RNF214: variants seen among roughly 807,000 people sequenced by gnomAD.
The protein encoded by RNF214 is ring finger protein 214.
A neutral mutation model predicts 75.9 loss-of-function variants in RNF214; 25 were observed. The ratio of observed to expected loss-of-function variants is 0.33; its 90% CI spans 0.24 to 0.46. The LOEUF (loss-of-function observed/expected upper bound fraction) is 0.46, where lower values mean the gene tolerates loss of function less well. RNF214 is among the 20% of genes least tolerant of loss of function. The pLI, the probability that RNF214 is intolerant of heterozygous loss-of-function variation, is 1.00. For missense variants in RNF214, 725 were observed against 857.5 expected (o/e 0.85, Z 1.93); for synonymous variants, 314 against 308.8 (o/e 1.02, Z -0.18).
At position 117,281,880 on chromosome 11, in the gene RNF214, C is replaced by A. The variant is rs771923612; in HGVS notation, c.1336-14C>A. The A allele has an allele frequency of 3.7e-6, 6 of 1,610,790 alleles. No individual in the cohort carries two copies. The African/African-American group carries it at 8.0e-5, about 22-fold the overall frequency. ...TTCCTTTCTCTCTCGTCCTCTACCTCTTCTCCTCTGCAGACAGACTTCATG... is the reference window on the plus strand; with the variant it reads ...TTCCTTTCTCTCTCGTCCTCTACCTATTCTCCTCTGCAGACAGACTTCATG... On this transcript the variant is annotated splice_polypyrimidine_tract_variant and intron_variant, in intron 10 of 14. Transcript: ENST00000300650.
At chr11:117,245,331 A>G (rs957978020) in intron 5 of RNF214, among the ~76,000 whole-genome samples, 1 of 150,916 alleles carries the variant, frequency 6.6e-6, no homozygotes, top group East Asian at 2.0e-4. Context: ...AAAAAGTATT[A>G]ATACTCATAG....
chr11:117,267,104 G>A (rs2033813242), intron 6 of RNF214, among the ~76,000 whole-genome samples: 1 of 151,898 alleles, frequency 6.6e-6, no homozygotes, highest in Admixed American at 6.6e-5. Context: ...AGCCTCCAGA[G>A]TATTGAATTA....
chr11:117,282,571 G>A (rs796960779), intron 12 of RNF214, 35 bp downstream of exon 12: 26 of 1,609,500 alleles, frequency 1.6e-5, no homozygotes, highest in African/African-American at 4.0e-5. Flanking sequence ...ACTTAGGCAT[G>A]TTGAGGGCTG....
At chr11:117,244,640 CT>C in intron 5 of RNF214, 55 bp downstream of exon 5, 1 of 1,382,372 alleles carries the variant, frequency 7.2e-7, no homozygotes, top group Non-Finnish European at 9.7e-7. Flanking sequence ...TCTGATCAAA[CT>C]TTAATTTTTT....
At chr11:117,276,897 G>A (rs1306708689) in intron 6 of RNF214, among the ~76,000 whole-genome samples, 1 of 152,242 alleles carries the variant, frequency 6.6e-6, no homozygotes, top group Non-Finnish European at 1.5e-5. Flanking sequence ...GATTGTCAGA[G>A]TGAATAGTAG....
chr11:117,272,109 G>A (rs1031785216), intron 6 of RNF214, among the ~76,000 whole-genome samples: 4 of 152,122 alleles, frequency 2.6e-5, no homozygotes, highest in African/African-American at 4.8e-5. Context: ...GTATATGCCT[G>A]TAGCTACTTG....
Position 117,246,864 on chromosome 11 carries a change from A to C in RNF214, c.875A>C (p.Lys292Thr). ...VTIKREETKK[K>T]IEKEKKEFLQ... The stretch of plus-strand genomic sequence containing the variant: ...ATAAAGCGGGAAGAAACAAAGAAGA[A>C]GATAGAGAAAGAGAAGAAGGAGTTT... Residue 292 changes from lysine to threonine, a missense_variant, in exon 6 of 15, where the codon AAG (lysine) becomes ACG (threonine). Lys to Thr is a moderately conservative substitution (Grantham distance 78). Coordinates refer to ENST00000300650, the MANE Select transcript of RNF214 (RefSeq NM_207343.4). 1 of 1,613,368 alleles carries C rather than the reference A, an allele frequency of 6.2e-7. No individual in the cohort carries two copies. The highest frequency in any genetic ancestry group is 8.5e-7 in the Non-Finnish European group (1 of 1,179,628).
At chr11:117,267,264 G>A (rs1018020211) in intron 6 of RNF214, among the ~76,000 whole-genome samples, 17 of 152,150 alleles carry the variant, frequency 1.1e-4, no homozygotes, top group Non-Finnish European at 2.4e-4. Flanking sequence ...TCGCTTGCCA[G>A]TTTTTGTTGT....
chr11:117,272,609 AT>A (rs544986485), intron 6 of RNF214, among the ~76,000 whole-genome samples: 267 of 147,042 alleles, frequency 1.8e-3, no homozygotes, highest in South Asian at 0.01. Flanking sequence ...TAAAATTAAA[AT>A]TTTTTTTTTT....
At position 117,282,623 on chromosome 11, in the gene RNF214, C is replaced by A. The variant is rs1044018196; in HGVS notation, c.1845+87C>A. The A allele has an allele frequency of 2.6e-6, 4 of 1,561,048 alleles. No individual in the cohort carries two copies. The African/African-American group carries it at 4.1e-5, about 16-fold the overall frequency. ...CAGAAAAATGTGGGGTGGGAAGAAG[C>A]ATTCCAGTCAGAGGTAGCTAGTCTG... On this transcript the variant is annotated intron_variant, in intron 12 of 14. Coordinates refer to ENST00000300650, the MANE Select transcript of RNF214 (RefSeq NM_207343.4).
At chr11:117,240,628 C>T (rs1344097544) in intron 4 of RNF214, among the ~76,000 whole-genome samples, 2 of 151,854 alleles carry the variant, frequency 1.3e-5, no homozygotes, top group African/African-American at 4.8e-5. Flanking sequence ...GCAGAGGTTG[C>T]AGTGAGCCAA....
At position 117,234,236 on chromosome 11, in the gene RNF214, T is replaced by C. The variant is rs144159240; in HGVS notation, c.-6-31T>C. Reference sequence around the variant, plus strand: ...ACATTTGTTTTAAACTTTGGAAACTTGTAGCCTGTAATTTGTTTCTGAATG... The same window carrying C: ...ACATTTGTTTTAAACTTTGGAAACTCGTAGCCTGTAATTTGTTTCTGAATG... On this transcript the variant is annotated intron_variant, in intron 1 of 14. Coordinates refer to ENST00000300650, the MANE Select transcript of RNF214 (RefSeq NM_207343.4). 1,110 of 1,516,988 alleles carry C rather than the reference T, an allele frequency of 7.3e-4. 2 individuals are homozygous for C. The highest frequency in any genetic ancestry group is 9.3e-4 in the Non-Finnish European group (1,011 of 1,091,520). 94.0% of individuals were successfully genotyped at this position (1,516,988 alleles called of 1,614,324 possible).
At position 117,246,855 on chromosome 11, in the gene RNF214, CAAAG is replaced by C; in HGVS notation, c.869_872del (p.Lys290ArgfsTer3). 1 of 1,611,126 alleles carries C rather than the reference CAAAG, an allele frequency of 6.2e-7. No homozygotes were observed. Among genetic ancestry groups the C allele is most frequent in the South Asian group, 1.1e-5 (1 of 90,706 alleles). ...GATGTGACAATAAAGCGGGAAGAAA[CAAAG>C]AAGAAGATAGAGAAAGAGAAGAAGG... is the stretch of plus-strand genomic sequence containing the variant. On this transcript the variant is annotated frameshift_variant, in exon 6 of 15. Transcript: ENST00000300650. LOFTEE classifies it high-confidence loss of function.
Position 117,282,133 on chromosome 11 carries a change from G to T in RNF214, c.1575G>T (p.Met525Ile). 1 of 1,613,904 alleles carries T rather than the reference G, an allele frequency of 6.2e-7. No individual in the cohort carries two copies. Among genetic ancestry groups the T allele is most frequent in the Non-Finnish European group, 8.5e-7 (1 of 1,179,960 alleles). Residue 525 changes from methionine (M) to isoleucine (I), a missense_variant, in exon 11 of 15, where the codon ATG becomes ATT. Coordinates refer to ENST00000300650, the MANE Select transcript of RNF214 (RefSeq NM_207343.4). ...TTGTCAGCCCCCACGGTCCACACAT[G>T]CCCCCTGCCGCCTCCATCCCACCTC... The part of the protein sequence containing the change: ...GSLVSPHGPH[M>I]PPAASIPPPP...
intron 13 of RNF214, 113 bp downstream of exon 13, chr11:117,282,963 A>G (rs759673222): frequency 2.0e-5 from 20 of 1,010,488 alleles, no homozygotes; most frequent in African/African-American, 6.5e-5. Context: ...TTGCAGCCCT[A>G]CTGGGAAAAT....
rs2134428657 is a variant in RNF214, at chr11:117,285,148, A to G, written c.2109A>G (p.Lys703=). 1 of 1,606,456 alleles carries G rather than the reference A, an allele frequency of 6.2e-7. No homozygotes were observed. The highest frequency in any genetic ancestry group is 8.5e-7 in the Non-Finnish European group (1 of 1,173,038). The change falls in exon 15 of 15, where the codon AAA becomes AAG. Residue 703 remains lysine, a synonymous_variant. Coordinates refer to ENST00000300650, the MANE Select transcript of RNF214 (RefSeq NM_207343.4). Reference sequence around the variant, plus strand: ...CTTGTCCCTTTTGTCCAACTCTTAAATGACGGACCTGACTGGGGAGGAAGA... The same window carrying G: ...CTTGTCCCTTTTGTCCAACTCTTAAGTGACGGACCTGACTGGGGAGGAAGA... ...NDTCPFCPTL[K] is the part of the protein sequence containing the mutation.
chr11:117,236,258 G>C (rs2032907225), intron 2 of RNF214, among the ~76,000 whole-genome samples: 1 of 151,020 alleles, frequency 6.6e-6, no homozygotes. Context: ...ACTGCACCTA[G>C]CTCCGTCAAT....
At chr11:117,267,271 T>C (rs1418963203) in intron 6 of RNF214, among the ~76,000 whole-genome samples, 3 of 152,220 alleles carry the variant, frequency 2.0e-5, no homozygotes, top group Admixed American at 1.3e-4. Context: ...CCAGTTTTTG[T>C]TGTGGTTCAT....
intron 6 of RNF214, among the ~76,000 whole-genome samples, chr11:117,257,800 G>A (rs556261364): frequency 1.3e-5 from 2 of 152,300 alleles, no homozygotes; most frequent in Non-Finnish European, 2.9e-5. Context: ...AATCTGCAGG[G>A]AAATAAATGA....
Sources: gnomAD v4.1 joint callset for allele counts (sites outside exome capture counted in the v4.1 genomes callset) on GRCh38, gnomAD v4.1.1 for gene constraint, MANE v1.5 for transcripts, NCBI Gene and HGNC (gene_info 2026-07-23, HGNC 2026-07-21) for gene names.